The following CD200R1 variants were observed in gnomAD, a reference collection of about 807,000 sequenced individuals.
The protein encoded by CD200R1 is CD200 receptor 1, also known as cell surface glycoprotein CD200 receptor 1.
CD200R1 carries 30 observed loss-of-function variants against 38.1 expected under a neutral mutation model. The observed-to-expected ratio is 0.79, with a 90% CI of 0.59 to 1.07. The LOEUF (loss-of-function observed/expected upper bound fraction) is 1.07, where lower values mean the gene tolerates loss of function less well. CD200R1 is among the 50% of genes least tolerant of loss of function. CD200R1 has a pLI of 0.00. For synonymous variants in CD200R1, 128 were observed against 152.1 expected (o/e 0.84, Z 1.16); for missense variants, 372 against 415.4 (o/e 0.90, Z 0.91).
chr3:112,933,061 A>T (rs1007351745), intron 2 of CD200R1, among the ~76,000 whole-genome samples: 1 of 152,174 alleles, frequency 6.6e-6, no homozygotes. Flanking sequence ...ACAGCACAGC[A>T]GGCATGCCCC....
chr3:112,924,521 T>C lies in CD200R1; in HGVS notation c.893A>G (p.Asn298Ser). The C allele has an allele frequency of 7.9e-7, 1 of 1,265,714 alleles. No homozygotes were observed. The highest frequency in any genetic ancestry group is 1.0e-6 in the Non-Finnish European group (1 of 972,814). 78.4% of individuals were successfully genotyped at this position (1,265,714 alleles called of 1,614,324 possible). A position where few individuals can be genotyped will look rare whatever the true frequency, so the allele number is the denominator to read the frequency against. Residue 298 changes from asparagine (N) to serine (S), a missense_variant, in exon 7 of 8, where the codon AAT (asparagine) becomes AGT (serine). Asn to Ser is a conservative substitution (Grantham distance 46, BLOSUM62 1). Transcript: ENST00000308611. ...AACAACTGGAGTAGATTCTGTTTTA[T>C]TCAATTTATATTTTCTATAAAAATA... ...KVNGCRKYKL[N>S]KTESTPVVEE...
intron 1 of CD200R1, among the ~76,000 whole-genome samples, chr3:112,953,705 C>A (rs565966845): frequency 6.6e-6 from 1 of 152,234 alleles, no homozygotes; most frequent in East Asian, 1.9e-4. Flanking sequence ...TTATCCATTT[C>A]TCCTAGCTTA....
chr3:112,969,117 G>A (rs1933236462), intron 1 of CD200R1, among the ~76,000 whole-genome samples: 1 of 150,566 alleles, frequency 6.6e-6, no homozygotes, highest in Non-Finnish European at 1.5e-5. Context: ...TCTCAGCAGA[G>A]AAAAAAAACT....
chr3:112,927,621 G>C (rs1047337630), intron 5 of CD200R1, among the ~76,000 whole-genome samples: 2 of 152,124 alleles, frequency 1.3e-5, no homozygotes, highest in Non-Finnish European at 2.9e-5. Flanking sequence ...ATAGACACAG[G>C]CTAAGTAGAG....
intron 3 of CD200R1, among the ~76,000 whole-genome samples, chr3:112,930,257 A>G (rs1010464367): frequency 3.2e-4 from 48 of 152,268 alleles, no homozygotes; most frequent in African/African-American, 1.1e-3. Context: ...AAAACGATTT[A>G]TTTCCCTTTA....
At chr3:112,934,389 C>T (rs1940524713) in intron 2 of CD200R1, among the ~76,000 whole-genome samples, 1 of 151,562 alleles carries the variant, frequency 6.6e-6, no homozygotes, top group Non-Finnish European at 1.5e-5. Context: ...AAAAACTATC[C>T]TTCAGAAATA....
intron 1 of CD200R1, among the ~76,000 whole-genome samples, chr3:112,953,492 C>T (rs889462233): frequency 1.3e-5 from 2 of 152,124 alleles, no homozygotes; most frequent in East Asian, 1.9e-4. Flanking sequence ...AGTATTCCTT[C>T]GTCTTCAATT....
At chr3:112,949,312 G>A (rs1477794367) in intron 1 of CD200R1, among the ~76,000 whole-genome samples, 1 of 152,216 alleles carries the variant, frequency 6.6e-6, no homozygotes, top group Non-Finnish European at 1.5e-5. Flanking sequence ...GACTGGCAAA[G>A]AGACACCTTT....
intron 1 of CD200R1, among the ~76,000 whole-genome samples, chr3:112,958,080 A>AT (rs1237610077): frequency 2.6e-5 from 4 of 152,134 alleles, no homozygotes; most frequent in South Asian, 2.1e-4. Flanking sequence ...TTTCTGGCAG[A>AT]TTTTTTTTCA....
At chr3:112,946,349 G>T (rs957465215) in intron 2 of CD200R1, among the ~76,000 whole-genome samples, 3 of 152,082 alleles carry the variant, frequency 2.0e-5, no homozygotes, top group East Asian at 3.8e-4. Flanking sequence ...CCAATCCATG[G>T]TTGGTTGGAT....
intron 1 of CD200R1, among the ~76,000 whole-genome samples, chr3:112,953,613 A>G (rs1481916656): frequency 1.3e-5 from 2 of 152,088 alleles, no homozygotes; most frequent in East Asian, 3.9e-4. Context: ...TTACTGATTT[A>G]ATCTCTTGAC....
intron 1 of CD200R1, among the ~76,000 whole-genome samples, chr3:112,954,513 G>A (rs1046658118): frequency 1.3e-5 from 2 of 152,288 alleles, no homozygotes; most frequent in South Asian, 2.1e-4. Context: ...GGAAGACCAA[G>A]GCATGACTAG....
chr3:112,964,006 G>C (rs1486500386), intron 1 of CD200R1, among the ~76,000 whole-genome samples: 1 of 152,220 alleles, frequency 6.6e-6, no homozygotes, highest in African/African-American at 2.4e-5. Flanking sequence ...CATGGCTTCA[G>C]AGGGTGCAAG....
chr3:112,943,531 G>T (rs1056863177), intron 2 of CD200R1, among the ~76,000 whole-genome samples: 3 of 151,470 alleles, frequency 2.0e-5, no homozygotes, highest in Non-Finnish European at 3.0e-5. Flanking sequence ...AAATTAGAAA[G>T]GTCTAAAATC....
chr3:112,923,686 A>T lies in CD200R1; in HGVS notation c.1038T>A (p.His346Gln). 1 of 1,513,920 alleles carries T rather than the reference A, an allele frequency of 6.6e-7. No individual in the cohort carries two copies. Among genetic ancestry groups the T allele is most frequent in the Non-Finnish European group, 9.2e-7 (1 of 1,092,100 alleles). The allele number at this position is 1,513,920 out of a possible 1,614,324, so 93.8% of individuals were successfully genotyped here. A position where few individuals can be genotyped will look rare whatever the true frequency, so the allele number is the denominator to read the frequency against. The stretch of plus-strand genomic sequence containing the variant: ...ACTAGAGTCCAACAACTTATAAAGT[A>T]TGGAGGTCTGTGTCAACTTCACTTT... ...ALQSEVDTDL[H>Q]TL Residue 346 changes from histidine to glutamine, a missense_variant, in exon 8 of 8, where the codon CAT (histidine) becomes CAA (glutamine). Transcript: ENST00000308611.
chr3:112,936,416 A>G (rs1940582846), intron 2 of CD200R1, among the ~76,000 whole-genome samples: 1 of 152,176 alleles, frequency 6.6e-6, no homozygotes, highest in African/African-American at 2.4e-5. Flanking sequence ...TTACACTCCC[A>G]CCAACAGTGT....
intron 2 of CD200R1, among the ~76,000 whole-genome samples, chr3:112,938,657 C>T (rs1940642200): frequency 6.6e-6 from 1 of 152,012 alleles, no homozygotes; most frequent in East Asian, 1.9e-4. Context: ...GGCTTCACAG[C>T]TGAATTCTAC....
At chr3:112,966,389 T>A (rs890182093) in intron 1 of CD200R1, among the ~76,000 whole-genome samples, 12 of 152,146 alleles carry the variant, frequency 7.9e-5, no homozygotes, top group African/African-American at 2.7e-4. Context: ...TTTAGAACCA[T>A]CCCTGGGGAA....
intron 1 of CD200R1, among the ~76,000 whole-genome samples, chr3:112,974,020 G>A (rs1933373216): frequency 6.6e-6 from 1 of 152,118 alleles, no homozygotes; most frequent in South Asian, 2.1e-4. Flanking sequence ...GTAACTGTAG[G>A]CATATTATAT....
Sources: gnomAD v4.1 joint callset for allele counts (sites outside exome capture counted in the v4.1 genomes callset) on GRCh38, gnomAD v4.1.1 for gene constraint, MANE v1.5 for transcripts, NCBI Gene and HGNC (gene_info 2026-07-23, HGNC 2026-07-21) for gene names.